Variants in ARVCF observed in about 807,000 individuals in gnomAD.
ARVCF encodes the protein ARVCF delta catenin family member.
A neutral mutation model predicts 90.9 loss-of-function variants in ARVCF; 66 were observed. That is an observed-to-expected ratio of 0.73 (90% CI 0.60 to 0.89). The LOEUF (loss-of-function observed/expected upper bound fraction) is 0.89, where lower values mean the gene tolerates loss of function less well. Ranked by LOEUF, ARVCF falls within the 40% of genes least tolerant of loss-of-function variation. ARVCF has a pLI of 0.00. For missense variants in ARVCF, 1,469 were observed against 1,382.3 expected, an observed-to-expected ratio of 1.06 and a Z score of -1.00; for synonymous variants, 653 against 603.4, an observed-to-expected ratio of 1.08 and a Z score of -1.21.
In ARVCF at chr22:20,006,436, G is replaced by A. The variant is rs776677090; in HGVS notation, c.-19+4019C>T. Among the ~76,000 whole-genome samples, 142 of 151,630 alleles carry A rather than the reference G, an allele frequency of 9.4e-4. 1 individual carries two copies. The highest frequency in any genetic ancestry group is 3.2e-3 in the African/African-American group (134 of 41,436). On this transcript the variant is annotated intron_variant, in intron 2 of 19. Transcript: ENST00000263207. ...ACTAAAAGTACAAAAAAAATTAGCC[G>A]GGTGTGGCGGTGAGCGCCTGTAGTT...
Position 19,975,768 on chromosome 22 carries a change from A to T in ARVCF, c.1889-11T>A. On this transcript the variant is annotated splice_polypyrimidine_tract_variant and intron_variant, in intron 10 of 19. Coordinates refer to ENST00000263207, the MANE Select transcript of ARVCF (RefSeq NM_001670.3). The stretch of plus-strand genomic sequence containing the variant: ...CACCATCCTTCTTTCCTGGAAGGGA[A>T]AGGTGGTGGGAGGTGAGGCAGACCC... 1.9e-6 allele frequency: 3 copies of T among 1,613,224 alleles called. No homozygotes were observed. The highest frequency in any genetic ancestry group is 2.5e-6 in the Non-Finnish European group (3 of 1,179,840).
At chr22:20,005,670 A>T (rs1944596229) in intron 2 of ARVCF, among the ~76,000 whole-genome samples, 1 of 152,074 alleles carries the variant, frequency 6.6e-6, no homozygotes, top group Non-Finnish European at 1.5e-5. Context: ...ACACAAAAAA[A>T]TTAGCCGGGC....
Position 19,974,138 on chromosome 22 carries a change from G to T in ARVCF, c.2062C>A (p.Gln688Lys). 1 of 1,612,344 alleles carries T rather than the reference G, an allele frequency of 6.2e-7. No homozygotes were observed. ...NTLEAAAGALQNLSAGNWMWA... is the reference protein window; with the variant it reads ...NTLEAAAGALKNLSAGNWMWA... ...ATCCAGTTGCCGGCACTGAGGTTCT[G>T]CAGAGCGCCGGCGGCAGCCTCCAGG... The change falls in exon 12 of 20, where the codon CAG (glutamine) becomes AAG (lysine). Residue 688 changes from glutamine (Q) to lysine (K), a missense_variant. Physicochemically the swap from Gln to Lys is moderately conservative, Grantham distance 53. Transcript: ENST00000263207.
intron 2 of ARVCF, among the ~76,000 whole-genome samples, chr22:20,002,577 C>T (rs1448860467): frequency 1.3e-5 from 2 of 152,186 alleles, no homozygotes; most frequent in Admixed American, 1.3e-4. Context: ...TTTTCAGAGG[C>T]AGCAAACTCA....
At chr22:20,009,125 C>T (rs1305899140) in intron 2 of ARVCF, among the ~76,000 whole-genome samples, 2 of 152,194 alleles carry the variant, frequency 1.3e-5, no homozygotes, top group African/African-American at 2.4e-5. Flanking sequence ...GGGACAGCCC[C>T]TCCTGCCACC....
downstream of ARVCF, among the ~76,000 whole-genome samples, chr22:19,968,019 G>A (rs1942515778): frequency 6.6e-6 from 1 of 152,184 alleles, no homozygotes; most frequent in South Asian, 2.1e-4. Context: ...GTCTGCAAAT[G>A]CAGGAGCTTG....
rs1230305623 is a variant in ARVCF at position 19,972,011 on chromosome 22, G to C, written c.2696-40C>G. On this transcript the variant is annotated intron_variant, in intron 17 of 19. Coordinates refer to ENST00000263207, the MANE Select transcript of ARVCF (RefSeq NM_001670.3). The stretch of plus-strand genomic sequence containing the variant: ...AGGTGGGGCATGAGGGGCGCTCTGA[G>C]GGAGGCCCTGTAGGAGCAGATCTCC... 4 of 1,544,074 alleles carry C rather than the reference G, an allele frequency of 2.6e-6. No homozygotes were observed. The South Asian group carries it at 3.6e-5, about 14-fold the overall frequency.
intron 2 of ARVCF, among the ~76,000 whole-genome samples, chr22:20,010,048 T>G (rs888228721): frequency 3.9e-5 from 6 of 152,172 alleles, no homozygotes; most frequent in Non-Finnish European, 8.8e-5. Context: ...CTCCAGTCTC[T>G]GGGGGGCAAG....
At chr22:20,000,320 A>C (rs567811379) in intron 2 of ARVCF, among the ~76,000 whole-genome samples, 45 of 152,110 alleles carry the variant, frequency 3.0e-4, no homozygotes, top group Middle Eastern at 6.8e-3. Flanking sequence ...GCCGCTCCCA[A>C]CCCCCTCCTC....
intron 2 of ARVCF, among the ~76,000 whole-genome samples, chr22:19,992,246 A>ATTT (rs1944056324): frequency 4.6e-5 from 7 of 152,226 alleles, no homozygotes; most frequent in Non-Finnish European, 1.0e-4. Context: ...CCTGTCCCAC[A>ATTT]AATGAAACTG....
Position 19,971,916 on chromosome 22 carries a change from T to C in ARVCF, c.2751A>G (p.Ala917=). Residue 917 remains alanine (A), a synonymous_variant, in exon 18 of 20, where the codon GCA becomes GCG. Coordinates refer to ENST00000263207, the MANE Select transcript of ARVCF (RefSeq NM_001670.3). The part of the protein sequence containing the change: ...RERRPRGASS[A]GEASEKEPLK... Reference sequence around the variant, plus strand: ...AGGGTTCCTTCTCAGAGGCCTCTCCTGCAGAGCTGGCGCCCCGTGGCCTCC... The same window carrying C: ...AGGGTTCCTTCTCAGAGGCCTCTCCCGCAGAGCTGGCGCCCCGTGGCCTCC... 6.2e-7 allele frequency: 1 copy of C among 1,613,274 alleles called. No individual in the cohort carries two copies. The highest frequency in any genetic ancestry group is 8.5e-7 in the Non-Finnish European group (1 of 1,179,844).
Position 19,977,946 on chromosome 22 carries a change from G to T in ARVCF, c.1698+12C>A. 9 of 1,595,200 alleles carry T rather than the reference G, an allele frequency of 5.6e-6. No individual in the cohort carries two copies. Among genetic ancestry groups the T allele is most frequent in the Non-Finnish European group, 7.7e-6 (9 of 1,170,134 alleles). On this transcript the variant is annotated intron_variant, in intron 8 of 19. Coordinates refer to ENST00000263207, the MANE Select transcript of ARVCF (RefSeq NM_001670.3). ...CAGCCCTTGGTATGAGGCTGTGACC[G>T]TCCCTGCCCACCTTGTTGTCAGTGT...
intron 5 of ARVCF, chr22:19,980,948 C>T (rs955077833): frequency 3.0e-5 from 14 of 468,238 alleles, no homozygotes; most frequent in Admixed American, 7.7e-5. Context: ...GTTCTGGTTA[C>T]CCAGAGTGTG....
intron 3 of ARVCF, 119 bp downstream of exon 3, chr22:19,990,466 C>T: frequency 7.8e-7 from 1 of 1,288,928 alleles, no homozygotes; most frequent in African/African-American, 1.5e-5. Context: ...CCTTTCCTCC[C>T]CAGGAGCCCC....
Position 19,972,927 on chromosome 22 carries a change from G to C in ARVCF, c.2548C>G (p.Gln850Glu), listed in dbSNP as rs760649953. The C allele has an allele frequency of 9.3e-6, 15 of 1,613,752 alleles. No homozygotes were observed. In the Admixed American group the frequency reaches 2.5e-4, roughly 27 times the overall value. ...AAGGAAGGCCAGGGAAGCCGCACCT[G>C]GAAGCGCGCCTTGGTCCAACCATCT... is the stretch of plus-strand genomic sequence containing the variant. Reference protein sequence around the residue: ...QKDGWTKARFQSAAATAKGPK... With the variant: ...QKDGWTKARFESAAATAKGPK... Residue 850 changes from glutamine to glutamate, a missense_variant and splice_region_variant, in exon 15 of 20, where the codon CAG becomes GAG. Coordinates refer to ENST00000263207, the MANE Select transcript of ARVCF (RefSeq NM_001670.3).
downstream of ARVCF, chr22:19,968,806 C>A: frequency 6.8e-7 from 1 of 1,463,716 alleles, no homozygotes; most frequent in Non-Finnish European, 9.4e-7. Context: ...CGTGCTCCTG[C>A]TGACCTTCTG....
chr22:19,998,198 C>T (rs1228090062), intron 2 of ARVCF, among the ~76,000 whole-genome samples: 1 of 152,216 alleles, frequency 6.6e-6, no homozygotes, highest in Non-Finnish European at 1.5e-5. Context: ...CCACGCTGGC[C>T]ACCAGCCTGA....
At chr22:19,968,487 T>G (rs758703641), downstream of ARVCF, 17 of 1,577,256 alleles carry the variant, frequency 1.1e-5, no homozygotes, top group Non-Finnish European at 1.5e-5. Context: ...GGGCAGGTTC[T>G]CTGGGCACCT....
intron 1 of ARVCF, among the ~76,000 whole-genome samples, chr22:20,011,781 T>G (rs1005058571): frequency 1.8e-4 from 28 of 152,178 alleles, no homozygotes; most frequent in African/African-American, 6.8e-4. Context: ...GCTTTTGCTC[T>G]GAGTGTGACA....
Sources: allele counts gnomAD v4.1 joint callset (sites outside exome capture counted in the v4.1 genomes callset), GRCh38; gene constraint gnomAD v4.1.1; transcripts MANE v1.5; gene names NCBI Gene and HGNC (gene_info 2026-07-23, HGNC 2026-07-21).